The following CPA6 variants were observed in gnomAD, a reference collection of about 807,000 sequenced individuals.
CPA6 encodes the protein carboxypeptidase B.
CPA6 carries 58 observed loss-of-function variants against 63.3 expected under a neutral mutation model. The observed-to-expected ratio is 0.92, with a 90% CI of 0.74 to 1.14. CPA6 has a LOEUF of 1.14. Ranked by LOEUF, CPA6 falls within the 50% of genes most tolerant of loss-of-function variation. The pLI, the probability that CPA6 is intolerant of heterozygous loss-of-function variation, is 0.00. For missense variants in CPA6, 565 were observed against 526.6 expected (o/e 1.07, Z -0.71); for synonymous variants, 185 against 179.0 (o/e 1.03, Z -0.27).
At chr8:67,439,606 GA>G (rs1251799787) in intron 8 of CPA6, among the ~76,000 whole-genome samples, 1 of 148,880 alleles carries the variant, frequency 6.7e-6, no homozygotes, top group Non-Finnish European at 1.5e-5. Flanking sequence ...AAAAAAGAAA[GA>G]AAAAGAAAAA....
intron 8 of CPA6, among the ~76,000 whole-genome samples, chr8:67,441,585 A>C (rs902033011): frequency 6.6e-6 from 1 of 152,220 alleles, no homozygotes; most frequent in Non-Finnish European, 1.5e-5. Context: ...ATTAAAACAT[A>C]CATAGGTATA....
At chr8:67,440,192 C>A (rs1210436235) in intron 8 of CPA6, among the ~76,000 whole-genome samples, 1 of 152,200 alleles carries the variant, frequency 6.6e-6, no homozygotes, top group Non-Finnish European at 1.5e-5. Flanking sequence ...TTCCTTGCCT[C>A]TTCCTAGCTT....
intron 1 of CPA6, among the ~76,000 whole-genome samples, chr8:67,668,576 C>G (rs1816279880): frequency 6.6e-6 from 1 of 152,196 alleles, no homozygotes; most frequent in Non-Finnish European, 1.5e-5. Context: ...ATATATAGCA[C>G]ATACCCCACA....
intron 2 of CPA6, among the ~76,000 whole-genome samples, chr8:67,550,531 C>T (rs1297545362): frequency 6.6e-6 from 1 of 152,038 alleles, no homozygotes; most frequent in African/African-American, 2.4e-5. Context: ...TTTGGTAAAA[C>T]AATTTGTTTT....
intron 2 of CPA6, among the ~76,000 whole-genome samples, chr8:67,533,643 A>G (rs9918916): frequency 0.12 from 17,790 of 152,212 alleles, 2,770 homozygotes; most frequent in African/African-American, 0.36. Context: ...AGCAATATAG[A>G]CTTTACTATT....
chr8:67,585,085 T>C (rs915618139), intron 2 of CPA6, among the ~76,000 whole-genome samples: 4 of 151,962 alleles, frequency 2.6e-5, no homozygotes, highest in African/African-American at 9.7e-5. Context: ...TGAGTTTATG[T>C]ATCATATTGA....
rs545077612 is a variant in CPA6, at chr8:67,688,797, C to T, written c.116+57217G>A. 2.9e-4 allele frequency among the ~76,000 whole-genome samples: 44 copies of T among 152,190 alleles called. No individual in the cohort carries two copies. The South Asian group carries it at 8.1e-3, about 28-fold the overall frequency. ...TTTCTGTCCACCCATTCCCTTATCC[C>T]TAGAAGCAGCTCTTATGATCCTGGG... On this transcript the variant is annotated intron_variant, in intron 1 of 10. Coordinates refer to ENST00000297770, the MANE Select transcript of CPA6 (RefSeq NM_020361.5).
intron 8 of CPA6, among the ~76,000 whole-genome samples, chr8:67,468,984 A>C (rs999346224): frequency 3.3e-5 from 5 of 152,136 alleles, no homozygotes; most frequent in Non-Finnish European, 7.4e-5. Context: ...TCTGCCCTAC[A>C]GTTTAGTCTA....
chr8:67,494,833 C>A (rs191445589), intron 6 of CPA6, among the ~76,000 whole-genome samples: 54 of 152,312 alleles, frequency 3.5e-4, no homozygotes, highest in African/African-American at 1.3e-3. Flanking sequence ...AAAGTACTTA[C>A]ACACAACTTT....
At chr8:67,439,591 A>G (rs1455897133) in intron 8 of CPA6, among the ~76,000 whole-genome samples, 5 of 139,154 alleles carry the variant, frequency 3.6e-5, no homozygotes, top group Non-Finnish European at 6.0e-5. Flanking sequence ...CTCGGTCTCA[A>G]AAAAAAAAAA....
chr8:67,579,980 A>T (rs921561369), intron 2 of CPA6, among the ~76,000 whole-genome samples: 2 of 152,208 alleles, frequency 1.3e-5, no homozygotes, highest in African/African-American at 4.8e-5. Flanking sequence ...ATAAACGAAC[A>T]TTGCAACAGA....
intron 8 of CPA6, among the ~76,000 whole-genome samples, chr8:67,440,873 C>T (rs1325951933): frequency 1.3e-5 from 2 of 152,120 alleles, no homozygotes; most frequent in Non-Finnish European, 2.9e-5. Context: ...CATGACTGTA[C>T]TCCATTCTCT....
intron 1 of CPA6, among the ~76,000 whole-genome samples, chr8:67,684,455 C>T (rs1051351371): frequency 6.6e-6 from 1 of 152,054 alleles, no homozygotes; most frequent in Non-Finnish European, 1.5e-5. Context: ...GAACCTCTTC[C>T]CTTAAGTTCT....
At chr8:67,462,650 C>A (rs1810838423) in intron 8 of CPA6, among the ~76,000 whole-genome samples, 1 of 152,174 alleles carries the variant, frequency 6.6e-6, no homozygotes, top group Non-Finnish European at 1.5e-5. Flanking sequence ...CTTTCCAATT[C>A]TCTTGTCTCT....
intron 1 of CPA6, among the ~76,000 whole-genome samples, chr8:67,631,834 C>G (rs1053132482): frequency 6.6e-6 from 1 of 152,026 alleles, no homozygotes; most frequent in African/African-American, 2.4e-5. Context: ...ATGAACAACT[C>G]CAGACGTGCC....
At chr8:67,495,186 C>CA (rs2128962890) in intron 6 of CPA6, among the ~76,000 whole-genome samples, 1 of 152,324 alleles carries the variant, frequency 6.6e-6, no homozygotes, top group East Asian at 1.9e-4. Context: ...GCCAATGCTT[C>CA]AAATGATGCT....
At chr8:67,557,403 T>C (rs1389862692) in intron 2 of CPA6, among the ~76,000 whole-genome samples, 1 of 152,212 alleles carries the variant, frequency 6.6e-6, no homozygotes, top group East Asian at 1.9e-4. Flanking sequence ...AAGTGATTCA[T>C]GCAGCTTCCA....
intron 2 of CPA6, among the ~76,000 whole-genome samples, chr8:67,545,563 CTTTT>C (rs35213871): frequency 1.2e-5 from 1 of 80,474 alleles, no homozygotes; most frequent in Non-Finnish European, 2.5e-5. Flanking sequence ...GCTACTGTTA[CTTTT>C]TTTTTTTTTT....
At chr8:67,668,065 T>G (rs757689110) in intron 1 of CPA6, among the ~76,000 whole-genome samples, 13 of 152,238 alleles carry the variant, frequency 8.5e-5, no homozygotes, top group Admixed American at 2.6e-4. Flanking sequence ...CACTTATTAC[T>G]AAAAGTGTCC....
Sources: allele counts gnomAD v4.1 joint callset (sites outside exome capture counted in the v4.1 genomes callset), GRCh38; gene constraint gnomAD v4.1.1; transcripts MANE v1.5; gene names NCBI Gene and HGNC (gene_info 2026-07-23, HGNC 2026-07-21).